SMOC2: variants seen among roughly 807,000 people sequenced by gnomAD.
SMOC2 encodes the protein SPARC-related modular calcium-binding protein 2.
Under a neutral mutation model 61.4 loss-of-function variants are expected in SMOC2, and 39 were observed. The ratio of observed to expected loss-of-function variants is 0.64; its 90% CI spans 0.49 to 0.83. The LOEUF is 0.83. SMOC2 is among the 40% of genes least tolerant of loss of function. SMOC2 has a pLI of 0.00. For missense variants in SMOC2, 556 were observed against 592.9 expected (o/e 0.94, Z 0.65); for synonymous variants, 247 against 239.9 (o/e 1.03, Z -0.27).
intron 2 of SMOC2, among the ~76,000 whole-genome samples, chr6:168,522,382 A>C (rs1382271872): frequency 2.0e-5 from 3 of 152,246 alleles, no homozygotes; most frequent in Non-Finnish European, 2.9e-5. Flanking sequence ...CAGGCGTTCA[A>C]ACAAAAATTT....
intron 7 of SMOC2, among the ~76,000 whole-genome samples, chr6:168,591,894 T>A (rs368633512): frequency 9.2e-5 from 14 of 152,228 alleles, no homozygotes; most frequent in Admixed American, 6.5e-4. Context: ...TAATCATTCA[T>A]TATTACTTTT....
intron 8 of SMOC2, among the ~76,000 whole-genome samples, chr6:168,602,477 C>T (rs768489186): frequency 6.6e-6 from 1 of 152,114 alleles, no homozygotes; most frequent in Non-Finnish European, 1.5e-5. Context: ...CACCCACCTG[C>T]GGTGGTTTCC....
intron 1 of SMOC2, among the ~76,000 whole-genome samples, chr6:168,467,268 G>A (rs1230372171): frequency 3.3e-5 from 5 of 151,320 alleles, no homozygotes; most frequent in African/African-American, 1.2e-4. Flanking sequence ...TGAACTCCTG[G>A]GCTCAACACT....
chr6:168,646,578 C>T (rs939548516), intron 9 of SMOC2, among the ~76,000 whole-genome samples: 6 of 152,162 alleles, frequency 3.9e-5, no homozygotes, highest in South Asian at 4.1e-4. Context: ...AAAATAAGGA[C>T]GTTTCATAGA....
At position 168,533,597 on chromosome 6, in the gene SMOC2, A is replaced by G. The variant is rs9456163; in HGVS notation, c.463+5870A>G. 3.5e-3 allele frequency among the ~76,000 whole-genome samples: 535 copies of G among 152,308 alleles called. 6 individuals carry two copies. The highest frequency in any genetic ancestry group is 0.028 in the South Asian group (135 of 4,822). ...GTTTGGTCTCCAATGTCTCTGAAGC[A>G]CTTCCTGGTAGAAATCATTCAGGGC... is the stretch of plus-strand genomic sequence containing the variant. On this transcript the variant is annotated intron_variant, in intron 4 of 12. Coordinates refer to ENST00000356284, the MANE Select transcript of SMOC2 (RefSeq NM_001166412.2).
intron 11 of SMOC2, among the ~76,000 whole-genome samples, chr6:168,659,664 G>A (rs368402281): frequency 2.0e-4 from 11 of 54,064 alleles, no homozygotes; most frequent in Admixed American, 4.0e-4. Flanking sequence ...GGAGGTTGTA[G>A]GCTGGGTGAG....
At chr6:168,612,991 G>A (rs1170374420) in intron 9 of SMOC2, among the ~76,000 whole-genome samples, 3 of 152,308 alleles carry the variant, frequency 2.0e-5, no homozygotes, top group Non-Finnish European at 4.4e-5. Flanking sequence ...TCCTGATCAT[G>A]CAATTGTGTC....
intron 1 of SMOC2, 125 bp from the exon 2 acceptor site, chr6:168,509,790 C>T (rs1219860475): frequency 3.3e-5 from 27 of 816,434 alleles, no homozygotes; most frequent in South Asian, 7.7e-5. Flanking sequence ...GGGTGAGAAC[C>T]GGGTGGTGTT....
chr6:168,447,657 TAAC>T (rs1781359772), intron 1 of SMOC2, among the ~76,000 whole-genome samples: 1 of 152,122 alleles, frequency 6.6e-6, no homozygotes, highest in Non-Finnish European at 1.5e-5. Context: ...CTTCCAATAA[TAAC>T]AAAGTTTCTG....
At chr6:168,585,168 A>G (rs1785021083) in intron 7 of SMOC2, among the ~76,000 whole-genome samples, 1 of 152,144 alleles carries the variant, frequency 6.6e-6, no homozygotes, top group African/African-American at 2.4e-5. Context: ...TATGTTGCCC[A>G]GGCTGACATC....
chr6:168,600,018 T>C lies in SMOC2; in HGVS notation c.824+1014T>C, dbSNP rs368971711. Among the ~76,000 whole-genome samples, 31 of 152,082 alleles carry C rather than the reference T, an allele frequency of 2.0e-4. 1 individual carries two copies. In the South Asian group the frequency reaches 3.5e-3, roughly 17 times the overall value. ...ACACAGTCTGTCCATCAGCTGTGGG[T>C]GTTGCACCTCTTCACCTGGATGGTC... On this transcript the variant is annotated intron_variant, in intron 8 of 12. Transcript: ENST00000356284.
At chr6:168,650,856 A>G (rs1562404949) in intron 10 of SMOC2, 73 bp downstream of exon 10, 1 of 1,374,038 alleles carries the variant, frequency 7.3e-7, no homozygotes, top group Non-Finnish European at 1.0e-6. Context: ...AAGTCTGAAC[A>G]TTACATATTG....
At position 168,566,943 on chromosome 6, in the gene SMOC2, T is replaced by C. The variant is rs149534870; in HGVS notation, c.637+17740T>C. On this transcript the variant is annotated intron_variant, in intron 7 of 12. Coordinates refer to ENST00000356284, the MANE Select transcript of SMOC2 (RefSeq NM_001166412.2). ...AAAAGACAGAATGATACACGGAAAATAGGAGACAGGCCCGCTATCCTTATT... is the reference window on the plus strand; with the variant it reads ...AAAAGACAGAATGATACACGGAAAACAGGAGACAGGCCCGCTATCCTTATT... Among the ~76,000 whole-genome samples, 680 of 152,270 alleles carry C rather than the reference T, an allele frequency of 4.5e-3. 4 individuals are homozygous for C. The highest frequency in any genetic ancestry group is 6.6e-3 in the Non-Finnish European group (446 of 68,020).
intron 9 of SMOC2, among the ~76,000 whole-genome samples, chr6:168,634,102 C>T (rs1274839565): frequency 6.6e-6 from 1 of 152,176 alleles, no homozygotes; most frequent in Admixed American, 6.5e-5. Context: ...TCCATTCAAC[C>T]TCTTTCCTTT....
chr6:168,480,425 A>G (rs1190883605), intron 1 of SMOC2, among the ~76,000 whole-genome samples: 1 of 152,158 alleles, frequency 6.6e-6, no homozygotes, highest in Non-Finnish European at 1.5e-5. Context: ...GATATAGGAA[A>G]CCTAAAAGAA....
intron 1 of SMOC2, among the ~76,000 whole-genome samples, chr6:168,478,903 T>C: frequency 6.6e-6 from 1 of 151,274 alleles, no homozygotes; most frequent in Non-Finnish European, 1.5e-5. Flanking sequence ...TCATGGTATC[T>C]GGTCTAGAAC....
At chr6:168,655,291 C>T (rs928964718) in intron 11 of SMOC2, 11 of 415,846 alleles carry the variant, frequency 2.6e-5, no homozygotes, top group African/African-American at 4.1e-5. Context: ...GTTCACAAGC[C>T]GTAAAATCAT....
At position 168,544,214 on chromosome 6, in the gene SMOC2, CT is replaced by C. The variant is rs1026032938; in HGVS notation, c.511+543del. Among the ~76,000 whole-genome samples, 2 of 152,168 alleles carry C rather than the reference CT, an allele frequency of 1.3e-5. No individual in the cohort carries two copies. Among genetic ancestry groups the C allele is most frequent in the African/African-American group, 4.8e-5 (2 of 41,436 alleles). On this transcript the variant is annotated intron_variant, in intron 5 of 12. Transcript: ENST00000356284. This position sits in a 1 kb window ranked among gnomAD's most constrained non-coding sequence, Gnocchi z 4.1. ...CTGTCACATGCCCACCATGACCCCC[CT>C]GGGAAAGTCTCCATCCTCTTCTCTG...
intron 7 of SMOC2, among the ~76,000 whole-genome samples, chr6:168,595,381 C>T (rs148405981): frequency 6.6e-6 from 1 of 152,312 alleles, no homozygotes; most frequent in Admixed American, 6.5e-5. Flanking sequence ...CGAATTCACC[C>T]CTCCTTGTTC....
Sources: allele counts gnomAD v4.1 joint callset (sites outside exome capture counted in the v4.1 genomes callset), GRCh38; gene constraint gnomAD v4.1.1; non-coding constraint Gnocchi (gnomAD v3.1); transcripts MANE v1.5; gene names NCBI Gene and HGNC (gene_info 2026-07-23, HGNC 2026-07-21).